Variants in GRIA4 observed in about 807,000 individuals in gnomAD.
GRIA4 encodes the protein glutamate ionotropic receptor AMPA type subunit 4, also known as glutamate receptor 4.
In GRIA4, 34 loss-of-function variants were observed where a neutral mutation model predicts 104.0. That is an observed-to-expected ratio of 0.33 (90% CI 0.25 to 0.44). The LOEUF (loss-of-function observed/expected upper bound fraction) is 0.44. Among genes scored for constraint, GRIA4 ranks in the 20% least tolerant of loss-of-function variants. The pLI, the probability that GRIA4 is intolerant of heterozygous loss-of-function variation, is 1.00. For missense variants in GRIA4, 750 were observed against 1,096.5 expected (o/e 0.68, Z 4.46); for synonymous variants, 386 against 381.9 (o/e 1.01, Z -0.13).
intron 3 of GRIA4, among the ~76,000 whole-genome samples, chr11:105,738,533 G>C (rs1423858232): frequency 6.6e-6 from 1 of 152,108 alleles, no homozygotes; most frequent in Non-Finnish European, 1.5e-5. Context: ...AGTTATTCAG[G>C]AAGTGTAATA....
intron 7 of GRIA4, among the ~76,000 whole-genome samples, chr11:105,902,765 T>C (rs770177012): frequency 2.0e-5 from 3 of 152,222 alleles, no homozygotes; most frequent in Non-Finnish European, 4.4e-5. Context: ...GTGTTAATTA[T>C]AAGGAACTGA....
intron 3 of GRIA4, among the ~76,000 whole-genome samples, chr11:105,748,487 A>G (rs1268053878): frequency 6.6e-6 from 1 of 151,864 alleles, no homozygotes; most frequent in Non-Finnish European, 1.5e-5. Context: ...TCAAGCAATG[A>G]TTCTCCTGCC....
chr11:105,612,420 C>G lies in GRIA4; in HGVS notation c.233C>G (p.Ala78Gly). ...AACATTGAGACAGCCAACAGTTTTGCTGTAACAAACGCCTGTAAGTAAAAC... is the reference window on the plus strand; with the variant it reads ...AACATTGAGACAGCCAACAGTTTTGGTGTAACAAACGCCTGTAAGTAAAAC... The part of the protein sequence containing the change: ...VDNIETANSF[A>G]VTNAFCSQYS... Residue 78 changes from alanine (A) to glycine (G), a missense_variant, in exon 3 of 17, where the codon GCT becomes GGT. By Grantham distance (60) the Ala-to-Gly change is moderately conservative (BLOSUM62 0). Coordinates refer to ENST00000282499, the MANE Select transcript of GRIA4 (RefSeq NM_000829.4). The G allele has an allele frequency of 6.2e-7, 1 of 1,614,000 alleles. No individual in the cohort carries two copies. Among genetic ancestry groups the G allele is most frequent in the South Asian group, 1.1e-5 (1 of 91,068 alleles).
intron 3 of GRIA4, among the ~76,000 whole-genome samples, chr11:105,720,114 C>T (rs1009549479): frequency 6.6e-6 from 1 of 151,662 alleles, no homozygotes; most frequent in Admixed American, 6.6e-5. Flanking sequence ...ATCTCTAAAC[C>T]AGTATTTTTT....
intron 4 of GRIA4, among the ~76,000 whole-genome samples, chr11:105,755,596 A>T (rs1940258557): frequency 6.6e-6 from 1 of 152,114 alleles, no homozygotes; most frequent in Admixed American, 6.6e-5. Context: ...TTTATGTTTC[A>T]ACTTGACTGA....
At chr11:105,736,277 T>C (rs1938939836) in intron 3 of GRIA4, among the ~76,000 whole-genome samples, 1 of 152,104 alleles carries the variant, frequency 6.6e-6, no homozygotes, top group Non-Finnish European at 1.5e-5. Flanking sequence ...ATTACATTCC[T>C]AGGCCCTGTG....
chr11:105,887,638 G>A, intron 6 of GRIA4, 66 bp downstream of exon 6: 1 of 769,020 alleles, frequency 1.3e-6, no homozygotes, highest in South Asian at 1.5e-5. Flanking sequence ...TTTTAACTGT[G>A]CCTTAAATAA....
At chr11:105,789,831 G>A (rs902750542) in intron 4 of GRIA4, among the ~76,000 whole-genome samples, 2 of 152,152 alleles carry the variant, frequency 1.3e-5, no homozygotes, top group Non-Finnish European at 2.9e-5. Context: ...TGCTCAGGGT[G>A]ACTTTACTGA....
chr11:105,908,398 G>A (rs1456451434), intron 9 of GRIA4, among the ~76,000 whole-genome samples: 2 of 152,038 alleles, frequency 1.3e-5, no homozygotes, highest in African/African-American at 4.8e-5. Flanking sequence ...TTAATAAAAT[G>A]CAAAACGCTG....
In GRIA4 at chr11:105,910,474, C is replaced by G; in HGVS notation, c.1198C>G (p.Gln400Glu). 6.3e-7 allele frequency: 1 copy of G among 1,599,022 alleles called. No individual in the cohort carries two copies. Among genetic ancestry groups the G allele is most frequent in the Non-Finnish European group, 8.6e-7 (1 of 1,166,426 alleles). Reference sequence around the variant, plus strand: ...TGATATGGATAAGTTAGTCTTGATTCAAGATGTACCAACTCTTGGCAATGA... The same window carrying G: ...TGATATGGATAAGTTAGTCTTGATTGAAGATGTACCAACTCTTGGCAATGA... ...WNDMDKLVLI[Q>E]DVPTLGNDTA... Residue 400 changes from glutamine to glutamate, a missense_variant, in exon 10 of 17, where the codon CAA becomes GAA. Physicochemically the swap from Gln to Glu is conservative, Grantham distance 29. Transcript: ENST00000282499.
chr11:105,840,780 TAC>T (rs1944364465), intron 4 of GRIA4, among the ~76,000 whole-genome samples: 1 of 152,244 alleles, frequency 6.6e-6, no homozygotes, highest in South Asian at 2.1e-4. Context: ...CTTAGAAAGC[TAC>T]AGTCTCCTAA....
At chr11:105,673,340 C>T (rs754010311) in intron 3 of GRIA4, among the ~76,000 whole-genome samples, 12 of 152,042 alleles carry the variant, frequency 7.9e-5, no homozygotes, top group Non-Finnish European at 1.2e-4. Flanking sequence ...ACTTGGCTAG[C>T]TCACAAAACA....
At chr11:105,803,281 G>C (rs561253295) in intron 4 of GRIA4, among the ~76,000 whole-genome samples, 1 of 152,066 alleles carries the variant, frequency 6.6e-6, no homozygotes, top group African/African-American at 2.4e-5. Flanking sequence ...AGGCAAGGGA[G>C]ATATTAGTTC....
intron 4 of GRIA4, 96 bp from the exon 5 acceptor site, chr11:105,861,928 T>C: frequency 1.4e-6 from 1 of 714,248 alleles, no homozygotes; most frequent in South Asian, 1.8e-5. Flanking sequence ...TCAGTATATT[T>C]TGGAACATAA....
chr11:105,671,854 A>C (rs1952385070), intron 3 of GRIA4, among the ~76,000 whole-genome samples: 2 of 151,978 alleles, frequency 1.3e-5, no homozygotes, highest in Non-Finnish European at 1.5e-5. Flanking sequence ...AAAAATGTAC[A>C]TTCCCAGACT....
intron 3 of GRIA4, among the ~76,000 whole-genome samples, chr11:105,673,335 G>A (rs1952434421): frequency 6.6e-6 from 1 of 152,058 alleles, no homozygotes; most frequent in African/African-American, 2.4e-5. Context: ...GCCTGACTTG[G>A]CTAGCTCACA....
At chr11:105,910,742 C>A (rs1947207052) in intron 10 of GRIA4, among the ~76,000 whole-genome samples, 197 bp downstream of exon 10, 1 of 152,022 alleles carries the variant, frequency 6.6e-6, no homozygotes, top group African/African-American at 2.4e-5. Flanking sequence ...TTTGTATTAT[C>A]TTTTGTCACA....
chr11:105,623,077 A>ATATATATG (rs1300738098), intron 3 of GRIA4, among the ~76,000 whole-genome samples: 2 of 75,130 alleles, frequency 2.7e-5, no homozygotes, highest in Non-Finnish European at 5.5e-5. Flanking sequence ...ATATATATAT[A>ATATATATG]TATATATATA....
intron 3 of GRIA4, among the ~76,000 whole-genome samples, chr11:105,720,477 A>T (rs779145681): frequency 1.2e-4 from 19 of 152,188 alleles, no homozygotes; most frequent in Non-Finnish European, 2.2e-4. Context: ...TTCTCAAAAG[A>T]TGTGAAAATG....
Sources: allele counts gnomAD v4.1 joint callset (sites outside exome capture counted in the v4.1 genomes callset), GRCh38; gene constraint gnomAD v4.1.1; transcripts MANE v1.5; gene names NCBI Gene and HGNC (gene_info 2026-07-23, HGNC 2026-07-21).